Variants in EML6 observed in about 807,000 individuals in gnomAD.
EML6 encodes EMAP like 6, also known as echinoderm microtubule-associated protein-like 6.
Under a neutral mutation model 240.1 loss-of-function variants are expected in EML6, and 154 were observed. That is an observed-to-expected ratio of 0.64 (90% CI 0.56 to 0.73). The LOEUF is 0.73. Among genes scored for constraint, EML6 ranks in the 30% least tolerant of loss-of-function variants. The pLI is 0.00. For synonymous variants in EML6, 1,148 were observed against 899.0 expected (o/e 1.28, Z -4.95); for missense variants, 2,964 against 2,474.6 (o/e 1.20, Z -4.20).
chr2:54,925,806 A>T (rs1057470486), intron 26 of EML6, among the ~76,000 whole-genome samples: 2 of 152,130 alleles, frequency 1.3e-5, no homozygotes, highest in South Asian at 2.1e-4. Context: ...TGGCCTGCAG[A>T]TTGCTTCCCA....
intron 11 of EML6, among the ~76,000 whole-genome samples, chr2:54,858,993 A>G (rs781691916): frequency 6.6e-6 from 1 of 152,198 alleles, no homozygotes; most frequent in Non-Finnish European, 1.5e-5. Context: ...GATATGCTGA[A>G]GGCTTTACTA....
intron 2 of EML6, chr2:54,747,112 A>G (rs942787350): frequency 7.2e-5 from 11 of 152,256 alleles, no homozygotes; most frequent in Non-Finnish European, 1.6e-4. Flanking sequence ...AGGATTTTAA[A>G]AGTGATTTTA....
intron 17 of EML6, among the ~76,000 whole-genome samples, chr2:54,888,845 G>A (rs1464471747): frequency 6.6e-6 from 1 of 152,130 alleles, no homozygotes; most frequent in Non-Finnish European, 1.5e-5. Flanking sequence ...TTTCTGTGTG[G>A]ACATAAGTTT....
At chr2:54,861,832 A>C (rs1339729742) in intron 12 of EML6, among the ~76,000 whole-genome samples, 1 of 151,860 alleles carries the variant, frequency 6.6e-6, no homozygotes, top group Admixed American at 6.6e-5. Flanking sequence ...ACAATGAAGA[A>C]ATGAAATTCC....
chr2:54,864,976 C>T lies in EML6; in HGVS notation c.1932+1087C>T, dbSNP rs534632004. On this transcript the variant is annotated intron_variant, in intron 13 of 41. Transcript: ENST00000356458. The stretch of plus-strand genomic sequence containing the variant: ...CACATTGTATTATGCAATATGACTA[C>T]TAAAAAGGACTTGAAAAGAGATTAT... Among the ~76,000 whole-genome samples the T allele has an allele frequency of 3.3e-5, 5 of 152,210 alleles. No individual in the cohort carries two copies. The East Asian group carries it at 9.6e-4, about 29-fold the overall frequency.
At chr2:54,878,942 T>C (rs903432799) in intron 16 of EML6, among the ~76,000 whole-genome samples, 1 of 152,250 alleles carries the variant, frequency 6.6e-6, no homozygotes, top group African/African-American at 2.4e-5. Context: ...TCTGTATCCA[T>C]ATTTTCTAAA....
intron 2 of EML6, among the ~76,000 whole-genome samples, chr2:54,729,111 T>A (rs1264986709): frequency 1.3e-5 from 2 of 152,242 alleles, no homozygotes; most frequent in Non-Finnish European, 2.9e-5. Context: ...AACTTTTCAC[T>A]TATAAAATGG....
intron 2 of EML6, among the ~76,000 whole-genome samples, chr2:54,802,914 A>G (rs1351861561): frequency 6.6e-6 from 1 of 152,182 alleles, no homozygotes; most frequent in Non-Finnish European, 1.5e-5. Flanking sequence ...TGATAGTTCC[A>G]CAGTGACTGA....
rs775835229 is a variant in EML6 at position 54,859,559 on chromosome 2, C to A, written c.1683C>A (p.Gly561=). ...GAGCCAAATTTAGAAAGTATGTGGG[C>A]CATTCTGCACATGTCACAAATGTCC... The part of the protein sequence containing the change: ...KRGAKFRKYV[G]HSAHVTNVRW... The change falls in exon 12 of 42, where the codon GGC becomes GGA. Residue 561 remains glycine, a synonymous_variant. Coordinates refer to ENST00000356458, the MANE Select transcript of EML6 (RefSeq NM_001039753.4). 5.2e-6 allele frequency: 8 copies of A among 1,550,434 alleles called. No homozygotes were observed. The highest frequency in any genetic ancestry group is 7.0e-6 in the Non-Finnish European group (8 of 1,146,650).
At chr2:54,907,301 G>C (rs1673374962) in intron 24 of EML6, among the ~76,000 whole-genome samples, 1 of 152,174 alleles carries the variant, frequency 6.6e-6, no homozygotes, top group Non-Finnish European at 1.5e-5. Flanking sequence ...GAGGTGAGGA[G>C]TTTGAGGCCA....
Position 54,962,654 on chromosome 2 carries a change from C to G in EML6, c.5100C>G (p.Asp1700Glu). ...GCCTGGCCACTCACCCTTCCAAGGA[C>G]CTCTTCATCTCTGCCAGCAACGATG... ...IWGLATHPSK[D>E]LFISASNDGT... The change falls in exon 36 of 42, where the codon GAC becomes GAG. Residue 1700 changes from aspartate (D) to glutamate (E), a missense_variant. Coordinates refer to ENST00000356458, the MANE Select transcript of EML6 (RefSeq NM_001039753.4). The G allele has an allele frequency of 6.5e-7, 1 of 1,536,584 alleles. No homozygotes were observed. Among genetic ancestry groups the G allele is most frequent in the Non-Finnish European group, 8.8e-7 (1 of 1,139,824 alleles).
chr2:54,845,503 T>A (rs760148819), intron 8 of EML6, among the ~76,000 whole-genome samples: 4 of 152,248 alleles, frequency 2.6e-5, no homozygotes, highest in Non-Finnish European at 5.9e-5. Context: ...TTGACTAGAA[T>A]CTTTAATACA....
At chr2:54,950,817 C>T in intron 30 of EML6, 38 bp downstream of exon 30, 4 of 1,537,298 alleles carry the variant, frequency 2.6e-6, no homozygotes, top group Non-Finnish European at 3.5e-6. Flanking sequence ...TTTCTTTTAG[C>T]TGTTTTTTAC....
chr2:54,836,781 G>A (rs1020513656), intron 7 of EML6, among the ~76,000 whole-genome samples: 1 of 152,284 alleles, frequency 6.6e-6, no homozygotes, highest in East Asian at 1.9e-4. Flanking sequence ...TTTTTAGCAA[G>A]GGGCCCCACA....
chr2:54,849,387 G>A lies in EML6; in HGVS notation c.1188-575G>A, dbSNP rs532581980. On this transcript the variant is annotated intron_variant, in intron 9 of 41. Transcript: ENST00000356458. The stretch of plus-strand genomic sequence containing the variant: ...TTTCTTCTATCACACTGCAGTTTGT[G>A]CCCATTAATCTACTTCTCTTCATCA... 3.9e-5 allele frequency among the ~76,000 whole-genome samples: 6 copies of A among 152,248 alleles called. No individual in the cohort carries two copies. The South Asian group carries it at 1.2e-3, about 32-fold the overall frequency.
chr2:54,829,393 C>A lies in EML6; in HGVS notation c.763C>A (p.Arg255=). 2 of 1,551,496 alleles carry A rather than the reference C, an allele frequency of 1.3e-6. No individual in the cohort carries two copies. Among genetic ancestry groups the A allele is most frequent in the Non-Finnish European group, 1.7e-6 (2 of 1,146,748 alleles). ...ACEEGFATGG[R]DGCIRLWDTD... ...TGAAGAAGGCTTTGCCACTGGTGGG[C>A]GAGATGGGTGTATACGACTGTGGGA... The change falls in exon 7 of 42, where the codon CGA becomes AGA. Residue 255 remains arginine, a synonymous_variant. Coordinates refer to ENST00000356458, the MANE Select transcript of EML6 (RefSeq NM_001039753.4).
chr2:54,840,090 T>C (rs1405953907), intron 7 of EML6, among the ~76,000 whole-genome samples: 1 of 152,244 alleles, frequency 6.6e-6, no homozygotes, highest in Non-Finnish European at 1.5e-5. Context: ...CTGATAATGC[T>C]GAAGAGTACA....
rs546589462 is a variant in EML6, at chr2:54,896,371, A to G, written c.2982+971A>G. Among the ~76,000 whole-genome samples the G allele has an allele frequency of 2.0e-5, 3 of 152,280 alleles. No homozygotes were observed. The South Asian group carries it at 6.2e-4, about 32-fold the overall frequency. On this transcript the variant is annotated intron_variant, in intron 21 of 41. Coordinates refer to ENST00000356458, the MANE Select transcript of EML6 (RefSeq NM_001039753.4). ...GTCTCAGCCTTGGTCCACATAAGCAAATTGCATCCTCCTTAGTCCCTGTCT... is the reference window on the plus strand; with the variant it reads ...GTCTCAGCCTTGGTCCACATAAGCAGATTGCATCCTCCTTAGTCCCTGTCT...
At chr2:54,905,258 A>G (rs1025653067) in intron 24 of EML6, among the ~76,000 whole-genome samples, 7 of 147,684 alleles carry the variant, frequency 4.7e-5, no homozygotes, top group African/African-American at 1.5e-4. Context: ...ATTTCTCCCT[A>G]TTTATTATCT....
Sources: gnomAD v4.1 joint callset for allele counts (sites outside exome capture counted in the v4.1 genomes callset) on GRCh38, gnomAD v4.1.1 for gene constraint, MANE v1.5 for transcripts, NCBI Gene and HGNC (gene_info 2026-07-23, HGNC 2026-07-21) for gene names.